Variants in PAK4 observed in about 807,000 individuals in gnomAD.
The protein encoded by PAK4 is serine/threonine-protein kinase PAK 4.
A neutral mutation model predicts 53.5 loss-of-function variants in PAK4; 49 were observed. The observed-to-expected ratio is 0.92, with a 90% CI of 0.73 to 1.16. The LOEUF (loss-of-function observed/expected upper bound fraction) is 1.16, where lower values mean the gene tolerates loss of function less well. Among genes scored for constraint, PAK4 ranks in the 50% most tolerant of loss-of-function variants. The pLI is 0.00. For missense variants in PAK4, 824 were observed against 850.7 expected, an observed-to-expected ratio of 0.97 and a Z score of 0.39; for synonymous variants, 376 against 375.6, an observed-to-expected ratio of 1.00 and a Z score of -0.01.
At chr19:39,128,984 T>C (rs928793218) in intron 1 of PAK4, among the ~76,000 whole-genome samples, 12 of 152,258 alleles carry the variant, frequency 7.9e-5, no homozygotes, top group Non-Finnish European at 5.9e-5. Flanking sequence ...GCAGTTCTTA[T>C]GGCCAGCAGG....
intron 1 of PAK4, among the ~76,000 whole-genome samples, chr19:39,160,272 C>T (rs574333792): frequency 6.6e-6 from 1 of 152,332 alleles, no homozygotes; most frequent in South Asian, 2.1e-4. Context: ...AGGCTCATTA[C>T]TTTGGTAATG....
chr19:39,178,347 A>AG lies in PAK4; in HGVS notation c.1621-76dup, dbSNP rs1438799075. ...AGTACATGCCGCCAGCCGACTTGGC[A>AG]GAGGCGGACACTGCAGCCCTACAGC... On this transcript the variant is annotated intron_variant, in intron 8 of 8. Transcript: ENST00000358301. The surrounding 1 kb of genome is among the most constrained non-coding windows in gnomAD (Gnocchi z 4.4). 4.7e-6 allele frequency: 7 copies of AG among 1,487,876 alleles called. No homozygotes were observed. In the East Asian group the frequency reaches 1.7e-4, roughly 37 times the overall value. The allele number at this position is 1,487,876 out of a possible 1,614,324, so 92.2% of individuals were successfully genotyped here.
chr19:39,128,579 C>G (rs114123108), intron 1 of PAK4, among the ~76,000 whole-genome samples: 29 of 152,362 alleles, frequency 1.9e-4, no homozygotes, highest in African/African-American at 6.7e-4. Flanking sequence ...GATTTATTTG[C>G]CACTTTTATT....
intron 8 of PAK4, 90 bp downstream of exon 9, chr19:39,177,899 A>G (rs1217838857): frequency 1.5e-5 from 22 of 1,424,482 alleles, no homozygotes; most frequent in East Asian, 7.2e-5. Flanking sequence ...GATGGGGACA[A>G]TGATGGCGCC....
exon 7 of PAK4, chr19:39,176,625 G>A (rs2074610319): frequency 6.2e-7 from 1 of 1,613,712 alleles, no homozygotes; most frequent in South Asian, 1.1e-5. Flanking sequence ...GCGCCCAGGT[G>A]AGCAAGGAAG....
chr19:39,134,351 T>C (rs2073771020), intron 1 of PAK4, among the ~76,000 whole-genome samples: 2 of 152,222 alleles, frequency 1.3e-5, no homozygotes, highest in African/African-American at 2.4e-5. Flanking sequence ...CCATAACCCC[T>C]GTCCATCACG....
downstream of PAK4, chr19:39,179,566 CT>C (rs1177079712): frequency 6.6e-6 from 1 of 152,088 alleles, no homozygotes; most frequent in Admixed American, 6.5e-5. Context: ...AGCCAGTAAG[CT>C]CCCCCAGCCT....
At chr19:39,174,820 G>A (rs2074568077) in intron 4 of PAK4, 111 bp from the exon 6 acceptor site, 2 of 1,308,926 alleles carry the variant, frequency 1.5e-6, no homozygotes, top group Admixed American at 4.0e-5. Flanking sequence ...TGGCCCCAGT[G>A]AGCACAAGCT....
intron 1 of PAK4, among the ~76,000 whole-genome samples, chr19:39,146,245 T>G (rs1180677664): frequency 6.7e-6 from 1 of 148,156 alleles, no homozygotes; most frequent in Non-Finnish European, 1.5e-5. Context: ...CAAACCAGAG[T>G]GACCTTGGAA....
At chr19:39,132,842 C>T (rs1294303974) in intron 1 of PAK4, among the ~76,000 whole-genome samples, 1 of 152,248 alleles carries the variant, frequency 6.6e-6, no homozygotes, top group Non-Finnish European at 1.5e-5. Flanking sequence ...ACATTCTCAC[C>T]TTTGCCAGTC....
At chr19:39,140,826 A>G (rs951352140) in intron 1 of PAK4, among the ~76,000 whole-genome samples, 2 of 152,058 alleles carry the variant, frequency 1.3e-5, no homozygotes, top group Non-Finnish European at 2.9e-5. Context: ...TTGAGTTCCC[A>G]CATCTGGAGC....
intron 6 of PAK4, 162 bp from the exon 8 acceptor site, chr19:39,176,428 C>A (rs754898372): frequency 1.1e-4 from 97 of 869,382 alleles, no homozygotes; most frequent in Non-Finnish European, 1.5e-4. Flanking sequence ...GGTGGAGCTC[C>A]CCATTGGTCT....
rs2073660640 is a variant in PAK4, at chr19:39,129,537, T to C, written c.-23+3618T>C. On this transcript the variant is annotated intron_variant, in intron 1 of 8. Transcript: ENST00000358301. The stretch of plus-strand genomic sequence containing the variant: ...TGTGCTCCCCAGCAGGCTCCGGGGC[T>C]CCCTTTATTTCAAGTCCTGCTTTGG... Among the ~76,000 whole-genome samples the C allele has an allele frequency of 3.3e-5, 5 of 152,188 alleles. No homozygotes were observed. The South Asian group carries it at 1.0e-3, about 32-fold the overall frequency.
intron 1 of PAK4, among the ~76,000 whole-genome samples, chr19:39,149,458 G>A (rs1005401313): frequency 2.6e-5 from 4 of 152,202 alleles, no homozygotes; most frequent in South Asian, 2.1e-4. Flanking sequence ...CAAAGAGACA[G>A]AAAGCATGCA....
chr19:39,153,072 T>G (rs1349123035), intron 1 of PAK4, among the ~76,000 whole-genome samples: 1 of 152,096 alleles, frequency 6.6e-6, no homozygotes, highest in African/African-American at 2.4e-5. Flanking sequence ...TTCTTTCAAA[T>G]CATAATTATA....
Position 39,173,239 on chromosome 19 carries a change from G to A in PAK4, c.526G>A (p.Asp176Asn). The A allele has an allele frequency of 6.3e-7, 1 of 1,578,712 alleles. No homozygotes were observed. Among genetic ancestry groups the A allele is most frequent in the Non-Finnish European group, 8.6e-7 (1 of 1,162,920 alleles). The change falls in exon 3 of 9, where the codon GAC becomes AAC. Residue 176 changes from aspartate (D) to asparagine (N), a missense_variant. Transcript: ENST00000358301. This position sits in a 1 kb window ranked among gnomAD's most constrained non-coding sequence, Gnocchi z 6.9. ...AGGGGGTCCCCAGGAGTCCTCCCGG[G>A]ACAAACGCCCCCTCTCCGGGCCTGA...
At chr19:39,134,178 T>G (rs514968) in intron 1 of PAK4, among the ~76,000 whole-genome samples, 2,739 of 152,368 alleles carry the variant, frequency 0.018, 82 homozygotes, top group African/African-American at 0.063. Context: ...ACAGCGCTTC[T>G]AACTCCACTG....
Position 39,161,098 on chromosome 19 carries a change from A to G in PAK4, c.-22-8434A>G, listed in dbSNP as rs2074276742. 6.6e-6 allele frequency among the ~76,000 whole-genome samples: 1 copy of G among 152,194 alleles called. No individual in the cohort carries two copies. Among genetic ancestry groups the G allele is most frequent in the Non-Finnish European group, 1.5e-5 (1 of 68,022 alleles). ...CCCCACCCAGCACCCAGCACTGTTT[A>G]GAGGGCTCCGCGTGGCCTGGTCTGT... On this transcript the variant is annotated intron_variant, in intron 1 of 8. Coordinates refer to ENST00000358301, the Ensembl canonical transcript of PAK4. The surrounding 1 kb of genome is among the most constrained non-coding windows in gnomAD (Gnocchi z 4.5).
rs1162909968 is a variant in PAK4, at chr19:39,165,549, AATAAAAT to A, written c.-22-3981_-22-3975del. On this transcript the variant is annotated intron_variant, in intron 1 of 8. Transcript: ENST00000358301. ...AAATAAATAAATAAATAAATAAATA[AATAAAAT>A]AATAATAGACAAAACCAACAGTGTC... is the stretch of plus-strand genomic sequence containing the variant. Among the ~76,000 whole-genome samples, 22 of 135,520 alleles carry A rather than the reference AATAAAAT, an allele frequency of 1.6e-4. 1 individual carries two copies. Among genetic ancestry groups the A allele is most frequent in the Non-Finnish European group, 3.1e-4 (18 of 58,696 alleles). 88.9% of individuals were successfully genotyped at this position (135,520 alleles called of 152,430 possible). A position where few individuals can be genotyped will look rare whatever the true frequency, so the allele number is the denominator to read the frequency against.
Sources: allele counts gnomAD v4.1 joint callset (sites outside exome capture counted in the v4.1 genomes callset), GRCh38; gene constraint gnomAD v4.1.1; non-coding constraint Gnocchi (gnomAD v3.1); transcripts MANE v1.5; gene names NCBI Gene and HGNC (gene_info 2026-07-23, HGNC 2026-07-21).